TAOK3: variants seen among roughly 807,000 people sequenced by gnomAD.
The protein encoded by TAOK3 is TAO kinase 3.
TAOK3 carries 40 observed loss-of-function variants against 120.4 expected under a neutral mutation model. The ratio of observed to expected loss-of-function variants is 0.33; its 90% CI spans 0.26 to 0.43. The LOEUF (loss-of-function observed/expected upper bound fraction) is 0.43. Among genes scored for constraint, TAOK3 ranks in the 20% least tolerant of loss-of-function variants. The probability of loss-of-function intolerance (pLI) is 1.00; values close to 1 mark genes in which losing one functional copy is unlikely to be tolerated. For missense variants in TAOK3, 821 were observed against 1,112.1 expected (o/e 0.74, Z 3.72); for synonymous variants, 355 against 387.5 (o/e 0.92, Z 0.99).
chr12:118,370,077 G>A (rs1566186109), intron 1 of TAOK3, among the ~76,000 whole-genome samples: 1 of 152,122 alleles, frequency 6.6e-6, no homozygotes, highest in Non-Finnish European at 1.5e-5. Context: ...GTTTCATCAT[G>A]TTGGCCAGGA....
At chr12:118,208,853 C>T (rs891777268) in intron 11 of TAOK3, among the ~76,000 whole-genome samples, 1 of 151,850 alleles carries the variant, frequency 6.6e-6, no homozygotes, top group Non-Finnish European at 1.5e-5. Context: ...CTGGGATTAT[C>T]GACGCATGCC....
intron 1 of TAOK3, among the ~76,000 whole-genome samples, chr12:118,316,559 C>A (rs1190859384): frequency 6.6e-6 from 1 of 152,200 alleles, no homozygotes; most frequent in Admixed American, 6.5e-5. Context: ...TACCACCCTG[C>A]CTGGCTAGAT....
intron 16 of TAOK3, among the ~76,000 whole-genome samples, chr12:118,174,390 T>TC (rs1194936299): frequency 1.3e-5 from 2 of 151,856 alleles, no homozygotes; most frequent in African/African-American, 4.8e-5. Context: ...TTTTTTTTTT[T>TC]CATGAGCATG....
chr12:118,316,155 A>G (rs17440774), intron 1 of TAOK3, among the ~76,000 whole-genome samples: 15,556 of 152,240 alleles, frequency 0.1, 994 homozygotes, highest in Middle Eastern at 0.15. Context: ...CTTCTTAAAT[A>G]AATTTATGTG....
intron 1 of TAOK3, among the ~76,000 whole-genome samples, chr12:118,369,703 A>G (rs1005809882): frequency 2.6e-5 from 4 of 152,120 alleles, no homozygotes; most frequent in African/African-American, 9.7e-5. Flanking sequence ...GAGTTAACCG[A>G]CCTTATTTTT....
chr12:118,361,282 G>A (rs1465766320), intron 1 of TAOK3, among the ~76,000 whole-genome samples: 2 of 152,140 alleles, frequency 1.3e-5, no homozygotes, highest in Admixed American at 1.3e-4. Flanking sequence ...TAGCCACAAT[G>A]AGATACAGCC....
At chr12:118,163,863 C>T (rs1306127784) in intron 17 of TAOK3, among the ~76,000 whole-genome samples, 1 of 152,086 alleles carries the variant, frequency 6.6e-6, no homozygotes, top group African/African-American at 2.4e-5. Flanking sequence ...AGGCACATGC[C>T]ACCACGCCTG....
intron 1 of TAOK3, among the ~76,000 whole-genome samples, chr12:118,279,621 T>A (rs1385718981): frequency 6.7e-6 from 1 of 150,340 alleles, no homozygotes; most frequent in East Asian, 1.9e-4. Flanking sequence ...TCTCACTCTG[T>A]CACCCAGGCT....
rs373159259 is a variant in TAOK3 at position 118,294,905 on chromosome 12, AT to A, written c.-193-28147del. 2.2e-4 allele frequency among the ~76,000 whole-genome samples: 34 copies of A among 152,236 alleles called. No homozygotes were observed. In the East Asian group the frequency reaches 6.2e-3, roughly 28 times the overall value. On this transcript the variant is annotated intron_variant, in intron 1 of 20. Coordinates refer to ENST00000392533, the MANE Select transcript of TAOK3 (RefSeq NM_016281.4). Reference sequence around the variant, plus strand: ...GAACTAACATCAAGTAAGATAGAGAATGATCCAGGTGAAGAGGCTGGGGAAA... The same window carrying A: ...GAACTAACATCAAGTAAGATAGAGAAGATCCAGGTGAAGAGGCTGGGGAAA...
At chr12:118,275,646 A>T (rs2140358068) in intron 1 of TAOK3, among the ~76,000 whole-genome samples, 1 of 152,314 alleles carries the variant, frequency 6.6e-6, no homozygotes, top group East Asian at 1.9e-4. Flanking sequence ...TTATTCATGT[A>T]TCATTCATTT....
At chr12:118,366,968 T>C (rs1207202837) in intron 1 of TAOK3, among the ~76,000 whole-genome samples, 1 of 152,114 alleles carries the variant, frequency 6.6e-6, no homozygotes, top group African/African-American at 2.4e-5. Flanking sequence ...TGGGTGCCTG[T>C]AATCCCAGCT....
At chr12:118,205,168 T>TA (rs1287981022) in intron 11 of TAOK3, among the ~76,000 whole-genome samples, 3 of 150,642 alleles carry the variant, frequency 2.0e-5, no homozygotes, top group Non-Finnish European at 4.4e-5. Context: ...AGACTCTGTT[T>TA]AAAAAAAATA....
intron 9 of TAOK3, among the ~76,000 whole-genome samples, chr12:118,224,116 T>C (rs2039387315): frequency 6.6e-6 from 1 of 152,204 alleles, no homozygotes; most frequent in Admixed American, 6.5e-5. Context: ...ATTTTTCCAG[T>C]TTCCCAACTG....
intron 9 of TAOK3, among the ~76,000 whole-genome samples, chr12:118,231,831 G>A (rs1415100582): frequency 6.6e-6 from 1 of 151,654 alleles, no homozygotes. Flanking sequence ...GCTGAGGCAG[G>A]AGAATCGCTT....
chr12:118,169,887 A>G (rs2035889259), intron 17 of TAOK3, among the ~76,000 whole-genome samples: 1 of 150,904 alleles, frequency 6.6e-6, no homozygotes, highest in Non-Finnish European at 1.5e-5. Flanking sequence ...CGCCCAGCCA[A>G]TTTTTTTGAA....
intron 2 of TAOK3, among the ~76,000 whole-genome samples, chr12:118,265,764 G>A (rs111303786): frequency 0.029 from 4,441 of 152,220 alleles, 182 homozygotes; most frequent in African/African-American, 0.091. Context: ...TAGCAAAAGA[G>A]GCAAGGCATA....
intron 15 of TAOK3, among the ~76,000 whole-genome samples, chr12:118,181,054 AG>A (rs1365788857): frequency 6.6e-6 from 1 of 152,106 alleles, no homozygotes; most frequent in Non-Finnish European, 1.5e-5. Flanking sequence ...CATGTTGGCC[AG>A]GCTGGTCTCG....
intron 1 of TAOK3, among the ~76,000 whole-genome samples, chr12:118,274,185 C>T (rs917673346): frequency 2.6e-5 from 4 of 152,006 alleles, no homozygotes; most frequent in Non-Finnish European, 5.9e-5. Context: ...TTCCTGTTTG[C>T]CACCAATATT....
intron 1 of TAOK3, among the ~76,000 whole-genome samples, chr12:118,307,227 C>G (rs992957798): frequency 2.0e-5 from 3 of 151,958 alleles, no homozygotes; most frequent in Admixed American, 1.3e-4. Context: ...CCTCTTCCCC[C>G]CCCCATCTCT....
Sources: allele counts gnomAD v4.1 joint callset (sites outside exome capture counted in the v4.1 genomes callset), GRCh38; gene constraint gnomAD v4.1.1; transcripts MANE v1.5; gene names NCBI Gene and HGNC (gene_info 2026-07-23, HGNC 2026-07-21).